The following ELOVL7 variants were observed in gnomAD, a reference collection of about 807,000 sequenced individuals.
The protein encoded by ELOVL7 is ELOVL fatty acid elongase 7.
In ELOVL7, 27 loss-of-function variants were observed where a neutral mutation model predicts 35.7. The observed-to-expected ratio is 0.76, with a 90% confidence interval of 0.56 to 1.04. The LOEUF (loss-of-function observed/expected upper bound fraction) is 1.04. Ranked by LOEUF, ELOVL7 falls within the 50% of genes least tolerant of loss-of-function variation. ELOVL7 has a pLI of 0.00. For missense variants in ELOVL7, 327 were observed against 340.8 expected, an observed-to-expected ratio of 0.96 and a Z score of 0.32; for synonymous variants, 113 against 114.6, an observed-to-expected ratio of 0.99 and a Z score of 0.09.
intron 3 of ELOVL7, 80 bp downstream of exon 3, chr5:60,787,254 T>C: frequency 8.2e-7 from 1 of 1,222,174 alleles, no homozygotes; most frequent in Non-Finnish European, 1.2e-6. Flanking sequence ...TCTCATTCTG[T>C]TCCAGTGAAA....
intron 1 of ELOVL7, among the ~76,000 whole-genome samples, chr5:60,831,007 G>A (rs958673376): frequency 1.3e-5 from 2 of 152,142 alleles, no homozygotes; most frequent in Admixed American, 6.5e-5. Context: ...AAAATGAGGA[G>A]AAATGACTTC....
intron 1 of ELOVL7, among the ~76,000 whole-genome samples, chr5:60,821,843 A>G (rs1244698814): frequency 1.3e-5 from 2 of 152,256 alleles, no homozygotes; most frequent in Non-Finnish European, 2.9e-5. Flanking sequence ...GACCAGTTCA[A>G]GTGTTGCTGA....
chr5:60,819,886 C>T (rs543085001), intron 1 of ELOVL7, among the ~76,000 whole-genome samples: 125 of 152,276 alleles, frequency 8.2e-4, no homozygotes, highest in African/African-American at 2.2e-3. Flanking sequence ...CTCCCCTCCG[C>T]GCCTAATATG....
At chr5:60,793,521 A>T (rs1744066412) in intron 2 of ELOVL7, among the ~76,000 whole-genome samples, 1 of 152,172 alleles carries the variant, frequency 6.6e-6, no homozygotes, top group Non-Finnish European at 1.5e-5. Flanking sequence ...ATTAAAGTTC[A>T]AGAACTTTAA....
At chr5:60,767,664 T>C (rs1479262392) in intron 5 of ELOVL7, among the ~76,000 whole-genome samples, 159 bp downstream of exon 5, 1 of 152,024 alleles carries the variant, frequency 6.6e-6, no homozygotes, top group Non-Finnish European at 1.5e-5. Context: ...ATACATGTGA[T>C]TTTTTTTATT....
At chr5:60,778,209 T>C (rs1429036896) in intron 3 of ELOVL7, among the ~76,000 whole-genome samples, 1 of 152,226 alleles carries the variant, frequency 6.6e-6, no homozygotes, top group African/African-American at 2.4e-5. Flanking sequence ...GAAGGCTTGC[T>C]ATGGGTCTGT....
intron 1 of ELOVL7, among the ~76,000 whole-genome samples, chr5:60,838,555 C>G (rs752699235): frequency 4.6e-5 from 7 of 152,192 alleles, no homozygotes; most frequent in Non-Finnish European, 1.0e-4. Flanking sequence ...TTCTGAAACT[C>G]CCCAGTTTTA....
intron 3 of ELOVL7, among the ~76,000 whole-genome samples, chr5:60,781,126 C>T (rs1352505445): frequency 6.6e-6 from 1 of 151,670 alleles, no homozygotes; most frequent in Non-Finnish European, 1.5e-5. Context: ...ATGAGAAGAG[C>T]CTGAACCCGG....
chr5:60,837,828 G>A (rs1561478666), intron 1 of ELOVL7, among the ~76,000 whole-genome samples: 1 of 152,130 alleles, frequency 6.6e-6, no homozygotes. Context: ...TGTAATCCCA[G>A]CTACTCGGGA....
intron 6 of ELOVL7, among the ~76,000 whole-genome samples, chr5:60,765,479 G>A (rs933039481): frequency 2.0e-5 from 3 of 152,132 alleles, no homozygotes; most frequent in Admixed American, 1.3e-4. Flanking sequence ...TTTTGTCGTC[G>A]TTGTTTTCCC....
At position 60,844,193 on chromosome 5, in the gene ELOVL7, C is replaced by G. The variant is rs1419139997; in HGVS notation, c.-119G>C. Reference sequence around the variant, plus strand: ...GAGCGGAGCCGAAGCGCCGGGCGCGCGCGGGAGAGAGGGCGGCGACTGGCA... The same window carrying G: ...GAGCGGAGCCGAAGCGCCGGGCGCGGGCGGGAGAGAGGGCGGCGACTGGCA... On this transcript the variant is annotated 5_prime_UTR_variant, in exon 1 of 9. Transcript: ENST00000508821. 1 of 152,166 alleles carries G rather than the reference C, an allele frequency of 6.6e-6. No homozygotes were observed. The highest frequency in any genetic ancestry group is 2.4e-5 in the African/African-American group (1 of 41,394). 9.4% of individuals were successfully genotyped at this position (152,166 alleles called of 1,614,324 possible).
At chr5:60,821,246 G>A (rs1482340968) in intron 1 of ELOVL7, among the ~76,000 whole-genome samples, 1 of 152,154 alleles carries the variant, frequency 6.6e-6, no homozygotes, top group Non-Finnish European at 1.5e-5. Context: ...GTGACGCTTA[G>A]CACCCTTCTA....
rs1448932351 is a variant in ELOVL7, at chr5:60,795,937, G to A, written c.-35+3243C>T. On this transcript the variant is annotated intron_variant, in intron 2 of 8. Transcript: ENST00000508821. The stretch of plus-strand genomic sequence containing the variant: ...CAGGTCAGAGAACAAAAGGCTTGCC[G>A]CCATCTTGGGAGCAGCCCGCCACCA... Among the ~76,000 whole-genome samples the A allele has an allele frequency of 9.8e-5, 15 of 152,292 alleles. No individual in the cohort carries two copies. In the East Asian group the frequency reaches 2.3e-3, roughly 24 times the overall value.
intron 4 of ELOVL7, among the ~76,000 whole-genome samples, chr5:60,770,305 C>G (rs1742504096): frequency 6.6e-6 from 1 of 152,154 alleles, no homozygotes; most frequent in Admixed American, 6.5e-5. Context: ...AATGACAAAT[C>G]AGACATAGAC....
chr5:60,801,935 T>C (rs937070003), intron 1 of ELOVL7, among the ~76,000 whole-genome samples: 10 of 151,702 alleles, frequency 6.6e-5, no homozygotes, highest in African/African-American at 2.4e-4. Flanking sequence ...CACTGTTGGC[T>C]TCCCTAGTTT....
intron 3 of ELOVL7, 47 bp downstream of exon 3, chr5:60,787,287 A>C (rs1227382672): frequency 6.9e-7 from 1 of 1,452,728 alleles, no homozygotes; most frequent in Non-Finnish European, 9.5e-7. Flanking sequence ...TGAGAATCTG[A>C]CATAAAAAGG....
At chr5:60,806,554 A>G (rs749293670) in intron 1 of ELOVL7, among the ~76,000 whole-genome samples, 2 of 152,148 alleles carry the variant, frequency 1.3e-5, no homozygotes, top group African/African-American at 2.4e-5. Context: ...AAGGTGCAGA[A>G]GGAAGCTGCC....
intron 3 of ELOVL7, among the ~76,000 whole-genome samples, chr5:60,777,642 G>T (rs1413055644): frequency 6.6e-6 from 1 of 152,188 alleles, no homozygotes; most frequent in Non-Finnish European, 1.5e-5. Flanking sequence ...AAAGCAGTGA[G>T]ATTGGCTTAG....
chr5:60,762,955 T>C (rs1742015331), intron 7 of ELOVL7, among the ~76,000 whole-genome samples: 1 of 152,052 alleles, frequency 6.6e-6, no homozygotes, highest in Admixed American at 6.6e-5. Flanking sequence ...GTAGAAAGAA[T>C]GGGAAGGGAC....
Sources: gnomAD v4.1 joint callset for allele counts (sites outside exome capture counted in the v4.1 genomes callset) on GRCh38, gnomAD v4.1.1 for gene constraint, MANE v1.5 for transcripts, NCBI Gene and HGNC (gene_info 2026-07-23, HGNC 2026-07-21) for gene names.